The following TESC variants were observed in gnomAD, a reference collection of about 807,000 sequenced individuals.
TESC encodes the protein calcineurin B homologous protein 3.
Under a neutral mutation model 31.0 loss-of-function variants are expected in TESC, and 19 were observed. The observed-to-expected ratio is 0.61, with a 90% CI of 0.43 to 0.90. The LOEUF is 0.90. TESC is among the 40% of genes least tolerant of loss of function. The pLI is 0.00. For synonymous variants in TESC, 109 were observed against 114.8 expected (o/e 0.95, Z 0.32); for missense variants, 248 against 303.8 (o/e 0.82, Z 1.36).
chr12:117,050,759 C>G (rs1954636988), intron 3 of TESC, among the ~76,000 whole-genome samples: 2 of 152,144 alleles, frequency 1.3e-5, no homozygotes, highest in Non-Finnish European at 2.9e-5. Flanking sequence ...AGGGAGAAAC[C>G]CTGTCTCTAC....
At chr12:117,086,589 C>G (rs976733197) in intron 1 of TESC, among the ~76,000 whole-genome samples, 1 of 151,796 alleles carries the variant, frequency 6.6e-6, no homozygotes, top group African/African-American at 2.4e-5. Context: ...CACACCACAG[C>G]ACCCAGCTAA....
intron 3 of TESC, among the ~76,000 whole-genome samples, chr12:117,056,589 A>C (rs1954727508): frequency 6.6e-6 from 1 of 152,180 alleles, no homozygotes; most frequent in Non-Finnish European, 1.5e-5. Context: ...GCCAGAGACA[A>C]TGAACACAGA....
intron 1 of TESC, among the ~76,000 whole-genome samples, chr12:117,079,576 C>T (rs1262276558): frequency 5.4e-5 from 8 of 147,902 alleles, no homozygotes; most frequent in East Asian, 2.0e-4. Context: ...AAAAAAAAAG[C>T]GTTACCTTGA....
chr12:117,099,175 C>G, intron 1 of TESC, 50 bp downstream of exon 1: 3 of 1,464,956 alleles, frequency 2.0e-6, no homozygotes, highest in Non-Finnish European at 2.7e-6. Flanking sequence ...CAACAGTGGC[C>G]GTTCGGAGGT....
At chr12:117,056,520 G>A (rs1328910469) in intron 3 of TESC, among the ~76,000 whole-genome samples, 1 of 152,160 alleles carries the variant, frequency 6.6e-6, no homozygotes, top group Non-Finnish European at 1.5e-5. Context: ...CTATAGGTGT[G>A]CACCACCATG....
At chr12:117,089,473 A>G (rs934300162) in intron 1 of TESC, among the ~76,000 whole-genome samples, 6 of 152,244 alleles carry the variant, frequency 3.9e-5, no homozygotes, top group Non-Finnish European at 8.8e-5. Flanking sequence ...AACAAAAGGA[A>G]TAGCACTCCA....
intron 1 of TESC, among the ~76,000 whole-genome samples, chr12:117,095,583 A>C (rs1955382171): frequency 1.3e-5 from 2 of 152,192 alleles, no homozygotes; most frequent in Admixed American, 6.5e-5. Flanking sequence ...TGGCAGTAAG[A>C]AAGCAGTCTT....
intron 6 of TESC, among the ~76,000 whole-genome samples, chr12:117,045,050 C>T (rs957480422): frequency 1.3e-5 from 2 of 152,210 alleles, no homozygotes; most frequent in Non-Finnish European, 2.9e-5. Flanking sequence ...GGGATTGAAC[C>T]GACGCAGCTG....
At chr12:117,049,903 G>GAAAAAA (rs66797686) in intron 3 of TESC, among the ~76,000 whole-genome samples, 2 of 86,452 alleles carry the variant, frequency 2.3e-5, no homozygotes, top group African/African-American at 3.7e-5. Context: ...CCTGTCTCAA[G>GAAAAAA]AAAAAAAAAA....
chr12:117,051,827 G>C (rs1954651694), intron 3 of TESC, among the ~76,000 whole-genome samples: 1 of 152,178 alleles, frequency 6.6e-6, no homozygotes, highest in African/African-American at 2.4e-5. Flanking sequence ...GGTCTGAAGA[G>C]ACCAACATTC....
chr12:117,071,307 T>G (rs1391497058), intron 2 of TESC, among the ~76,000 whole-genome samples: 2 of 152,324 alleles, frequency 1.3e-5, no homozygotes, highest in African/African-American at 4.8e-5. Context: ...ACTCAGCACT[T>G]TGGCCAAGGA....
chr12:117,072,134 T>A (rs1218908916), intron 2 of TESC, among the ~76,000 whole-genome samples: 4 of 152,046 alleles, frequency 2.6e-5, no homozygotes, highest in Non-Finnish European at 5.9e-5. Flanking sequence ...CAGCCTCATA[T>A]CCTCCTCCTC....
At chr12:117,059,329 T>G (rs1260464369) in intron 2 of TESC, among the ~76,000 whole-genome samples, 1 of 152,166 alleles carries the variant, frequency 6.6e-6, no homozygotes, top group Non-Finnish European at 1.5e-5. Flanking sequence ...GGTCCCTCTG[T>G]GTCCCCGGCA....
At chr12:117,042,101 G>T in intron 6 of TESC, 107 bp from the exon 7 acceptor site, 1 of 1,140,480 alleles carries the variant, frequency 8.8e-7, no homozygotes, top group Non-Finnish European at 1.3e-6. Context: ...CCAAATGTAA[G>T]TTGTTGAGGC....
At chr12:117,045,463 G>A (rs893034955) in intron 6 of TESC, among the ~76,000 whole-genome samples, 5 of 152,244 alleles carry the variant, frequency 3.3e-5, no homozygotes, top group South Asian at 2.1e-4. Flanking sequence ...ACAACCCGGC[G>A]GGGGATCCCT....
At chr12:117,077,840 C>G (rs563715899) in intron 1 of TESC, among the ~76,000 whole-genome samples, 138 of 151,992 alleles carry the variant, frequency 9.1e-4, no homozygotes, top group Non-Finnish European at 1.5e-3. Flanking sequence ...TAGGAATGTT[C>G]CATTTCTAGA....
intron 6 of TESC, among the ~76,000 whole-genome samples, chr12:117,042,588 G>C (rs1954501062): frequency 6.6e-6 from 1 of 152,226 alleles, no homozygotes; most frequent in East Asian, 1.9e-4. Context: ...CAGGGCCAGA[G>C]GGTGGCCACA....
chr12:117,098,210 C>T (rs1452764581), intron 1 of TESC, among the ~76,000 whole-genome samples: 1 of 152,216 alleles, frequency 6.6e-6, no homozygotes, highest in African/African-American at 2.4e-5. Context: ...AGCTCTTTCC[C>T]AAAATATCTG....
rs553078318 is a variant in TESC, at chr12:117,040,882, C to A, written c.567+1065G>T. 2.7e-3 allele frequency among the ~76,000 whole-genome samples: 409 copies of A among 152,372 alleles called. 1 individual carries two copies. The highest frequency in any genetic ancestry group is 8.6e-3 in the African/African-American group (359 of 41,594). On this transcript the variant is annotated intron_variant, in intron 7 of 7. Transcript: ENST00000335209. ...CCCAGTCCCCCAGTCCTGCTCTAGG[C>A]TCCTTGGCCAGAAGCCGTGATCCTT... is the stretch of plus-strand genomic sequence containing the variant.
Sources: allele counts gnomAD v4.1 joint callset (sites outside exome capture counted in the v4.1 genomes callset), GRCh38; gene constraint gnomAD v4.1.1; transcripts MANE v1.5; gene names NCBI Gene and HGNC (gene_info 2026-07-23, HGNC 2026-07-21).